CARD9: variants seen among roughly 807,000 people sequenced by gnomAD.
CARD9 encodes the protein caspase recruitment domain-containing protein 9.
Under a neutral mutation model 66.0 loss-of-function variants are expected in CARD9, and 53 were observed. The ratio of observed to expected loss-of-function variants is 0.80; its 90% CI spans 0.64 to 1.01. CARD9 has a LOEUF of 1.01. CARD9 is among the 50% of genes least tolerant of loss of function. The probability of loss-of-function intolerance (pLI) is 0.00; values close to 1 mark genes in which losing one functional copy is unlikely to be tolerated. For missense variants in CARD9, 769 were observed against 743.2 expected (o/e 1.03, Z -0.40); for synonymous variants, 387 against 313.8 (o/e 1.23, Z -2.47).
At chr9:136,366,721 C>T (rs1833133102) in intron 10 of CARD9, 79 bp downstream of exon 10, 7 of 1,480,630 alleles carry the variant, frequency 4.7e-6, no homozygotes, top group Non-Finnish European at 6.6e-6. Flanking sequence ...GGCATTGCGG[C>T]ACGGGCTGCC....
chr9:136,364,308 G>GC lies in CARD9; in HGVS notation c.1604dup (p.Ser536LeufsTer37). The GC allele has an allele frequency of 6.4e-7, 1 of 1,557,808 alleles. No individual in the cohort carries two copies. Among genetic ancestry groups the GC allele is most frequent in the Non-Finnish European group, 8.7e-7 (1 of 1,151,200 alleles). On this transcript the variant is annotated frameshift_variant, in exon 13 of 13. Transcript: ENST00000371732. LOFTEE classifies it high-confidence loss of function. ...GGGGCCTGCGCTGCTGCGGCTAGGA[G>GC]CCCTCAGTGTCGGTGTTGTCGCTGC...
intron 11 of CARD9, chr9:136,364,880 A>T (rs1373828105): frequency 3.4e-6 from 2 of 592,886 alleles, no homozygotes; most frequent in East Asian, 5.6e-5. Context: ...CTCCTCATCC[A>T]CTGTAAAGGC....
intron 1 of CARD9, among the ~76,000 whole-genome samples, chr9:136,372,502 C>T (rs1342886522): frequency 6.6e-6 from 1 of 152,244 alleles, no homozygotes; most frequent in Non-Finnish European, 1.5e-5. Context: ...GGTTAGCCAC[C>T]TCCATGGCTG....
Position 136,370,612 on chromosome 9 carries a change from C to T in CARD9, c.717G>A (p.Glu239=). Residue 239 remains glutamate, a synonymous_variant, in exon 5 of 13, where the codon GAG becomes GAA. Transcript: ENST00000371732. ...ACAGCAGCTCCTGGCTGGGCCGCTG[C>T]TCCATGGCGTGCCTGAGCTTCAGCG... ...KHTLKLRHAM[E]QRPSQELLWE... 6.2e-7 allele frequency: 1 copy of T among 1,612,702 alleles called. No individual in the cohort carries two copies. The highest frequency in any genetic ancestry group is 8.5e-7 in the Non-Finnish European group (1 of 1,179,906).
intron 7 of CARD9, 52 bp downstream of exon 7, chr9:136,369,698 G>T: frequency 6.4e-7 from 1 of 1,552,668 alleles, no homozygotes. Context: ...CCGTGGCCCT[G>T]GTGCACCCAC....
In CARD9 at chr9:136,364,245, G is replaced by A. The variant is rs1345187433; in HGVS notation, c.*57C>T. 13 of 1,550,420 alleles carry A rather than the reference G, an allele frequency of 8.4e-6. No individual in the cohort carries two copies. Among genetic ancestry groups the A allele is most frequent in the East Asian group, 2.4e-5 (1 of 41,040 alleles). On this transcript the variant is annotated 3_prime_UTR_variant, in exon 13 of 13. Coordinates refer to ENST00000371732, the MANE Select transcript of CARD9 (RefSeq NM_052813.5). ...TGCGCCCCAGGGCGTCGGCACCCCC[G>A]GGTGGCAGGAGGCCGGGCCGGTGGG... is the stretch of plus-strand genomic sequence containing the variant.
chr9:136,366,588 C>T (rs1304012468), intron 10 of CARD9: 3 of 613,018 alleles, frequency 4.9e-6, no homozygotes, highest in Admixed American at 2.7e-5. Flanking sequence ...ACTTGTCCCA[C>T]TAGCTGGGGC....
intron 11 of CARD9, chr9:136,364,805 G>T: frequency 1.7e-6 from 1 of 600,956 alleles, no homozygotes; most frequent in African/African-American, 1.9e-5. Context: ...CCAGCCTGGG[G>T]TCCGGGCCAT....
intron 7 of CARD9, 102 bp downstream of exon 7, chr9:136,369,648 T>C (rs1214713772): frequency 1.3e-5 from 20 of 1,525,886 alleles, no homozygotes; most frequent in Non-Finnish European, 1.7e-5. Context: ...CAAAAACAAA[T>C]AACAAAGATT....
Position 136,364,109 on chromosome 9 carries a change from G to A in CARD9, c.*193C>T, listed in dbSNP as rs1833052685. On this transcript the variant is annotated 3_prime_UTR_variant, in exon 13 of 13. Coordinates refer to ENST00000371732, the MANE Select transcript of CARD9 (RefSeq NM_052813.5). ...GGTGGTGAGCACCCGCATGGCCTCC[G>A]CAAAATGAGTGCCGCTTAACAAACG... The A allele has an allele frequency of 5.2e-6, 8 of 1,550,412 alleles. No individual in the cohort carries two copies. The highest frequency in any genetic ancestry group is 1.4e-5 in the African/African-American group (1 of 73,060).
chr9:136,370,375 C>T lies in CARD9; in HGVS notation c.870G>A (p.Ala290=), dbSNP rs115057256. The T allele has an allele frequency of 2.2e-3, 3,467 of 1,609,816 alleles. 66 individuals are homozygous for T. The African/African-American group carries it at 0.04, about 19-fold the overall frequency. ...IQVLEEDWRQ[A]LRDHQEQANT... is the part of the protein sequence containing the mutation. ...TGGCCTGCTCCTGGTGGTCCCGCAG[C>T]GCCTGCCGCCAGTCCTCCTCCAGTA... Residue 290 remains alanine (A), a synonymous_variant, in exon 6 of 13, where the codon GCG becomes GCA. Coordinates refer to ENST00000371732, the MANE Select transcript of CARD9 (RefSeq NM_052813.5).
intron 7 of CARD9, among the ~76,000 whole-genome samples, chr9:136,369,398 C>T (rs925992794): frequency 6.6e-6 from 1 of 152,192 alleles, no homozygotes; most frequent in African/African-American, 2.4e-5. Context: ...ACAGGTAAGT[C>T]TGTAAGGTGG....
chr9:136,367,080 C>CCTG, intron 9 of CARD9, 136 bp downstream of exon 9: 1 of 1,150,190 alleles, frequency 8.7e-7, no homozygotes. Context: ...CATTTGGCCA[C>CCTG]CTGCTCTTCC....
chr9:136,370,503 G>T lies in CARD9; in HGVS notation c.807+19C>A. ...CCACTGCCCTGCCTGGGCTGCACCT[G>T]CCCTGCCTACGGCCCCACCTGGACG... On this transcript the variant is annotated intron_variant, in intron 5 of 12. Coordinates refer to ENST00000371732, the MANE Select transcript of CARD9 (RefSeq NM_052813.5). 6.2e-7 allele frequency: 1 copy of T among 1,601,648 alleles called. No homozygotes were observed. The highest frequency in any genetic ancestry group is 1.1e-5 in the South Asian group (1 of 89,776).
At chr9:136,367,192 C>T (rs1023012184) in intron 9 of CARD9, 24 bp downstream of exon 9, 25 of 1,609,468 alleles carry the variant, frequency 1.6e-5, no homozygotes, top group East Asian at 2.2e-5. Flanking sequence ...AGGCCAGCCT[C>T]GTGCTGGCTG....
intron 1 of CARD9, among the ~76,000 whole-genome samples, chr9:136,372,710 T>C (rs895488479): frequency 6.6e-6 from 1 of 152,204 alleles, no homozygotes; most frequent in Admixed American, 6.5e-5. Context: ...CTGCTGATGA[T>C]GCAAGAGTGG....
rs975975788 is a variant in CARD9, at chr9:136,372,073, C to T, written c.6G>A (p.Ser2=). The change falls in exon 2 of 13, where the codon TCG becomes TCA. Residue 2 remains serine, a synonymous_variant. Transcript: ENST00000371732. Reference sequence around the variant, plus strand: ...AGCACTCGTCATCGTTCTCGTAGTCCGACATGGCCTCAGCAGGCAGGCTGG... The same window carrying T: ...AGCACTCGTCATCGTTCTCGTAGTCTGACATGGCCTCAGCAGGCAGGCTGG... M[S]DYENDDECWS... 13 of 1,612,490 alleles carry T rather than the reference C, an allele frequency of 8.1e-6. No homozygotes were observed. Among genetic ancestry groups the T allele is most frequent in the African/African-American group, 5.3e-5 (4 of 74,904 alleles).
In CARD9 at chr9:136,366,670, G is replaced by C. The variant is rs867959081; in HGVS notation, c.1357+130C>G. 3.2e-4 allele frequency: 324 copies of C among 998,542 alleles called. 6 individuals are homozygous for C. The South Asian group carries it at 4.2e-3, about 13-fold the overall frequency. The allele number at this position is 998,542 out of a possible 1,614,324, so 61.9% of individuals were successfully genotyped here. On this transcript the variant is annotated intron_variant, in intron 10 of 12. Coordinates refer to ENST00000371732, the MANE Select transcript of CARD9 (RefSeq NM_052813.5). ...ACCATTTTACTTATCCCCAGCCCCA[G>C]TTTCCCTGTCTGTGGAGTGGGGGTT... is the stretch of plus-strand genomic sequence containing the variant.
chr9:136,367,619 C>A lies in CARD9; in HGVS notation c.1269+18G>T. 1 of 1,561,350 alleles carries A rather than the reference C, an allele frequency of 6.4e-7. No individual in the cohort carries two copies. Among genetic ancestry groups the A allele is most frequent in the Non-Finnish European group, 8.6e-7 (1 of 1,158,876 alleles). On this transcript the variant is annotated intron_variant, in intron 8 of 12. Coordinates refer to ENST00000371732, the MANE Select transcript of CARD9 (RefSeq NM_052813.5). ...CCCACGCGCCGGCTCCCCTCCCTGC[C>A]GCAGGCCCCAGGCCCACCAGGACGA...
Sources: gnomAD v4.1 joint callset for allele counts (sites outside exome capture counted in the v4.1 genomes callset) on GRCh38, gnomAD v4.1.1 for gene constraint, MANE v1.5 for transcripts, NCBI Gene and HGNC (gene_info 2026-07-23, HGNC 2026-07-21) for gene names.